The following CUX2 variants were observed in gnomAD, a reference collection of about 807,000 sequenced individuals.
The protein encoded by CUX2 is homeobox protein cut-like 2.
In CUX2, 40 loss-of-function variants were observed where a neutral mutation model predicts 144.8. The ratio of observed to expected loss-of-function variants is 0.28; its 90% CI spans 0.21 to 0.36. The LOEUF is 0.36. Among genes scored for constraint, CUX2 ranks in the 10% least tolerant of loss-of-function variants. The pLI is 1.00. For synonymous variants in CUX2, 827 were observed against 875.6 expected, an observed-to-expected ratio of 0.94 and a Z score of 0.98; for missense variants, 1,615 against 1,994.0, an observed-to-expected ratio of 0.81 and a Z score of 3.62.
chr12:111,341,916 G>A lies in CUX2; in HGVS notation c.3522G>A (p.Val1174=), dbSNP rs1191020601. The A allele has an allele frequency of 3.1e-6, 5 of 1,614,032 alleles. No individual in the cohort carries two copies. Among genetic ancestry groups the A allele is most frequent in the Non-Finnish European group, 3.4e-6 (4 of 1,180,040 alleles). ...TGCAGATCAAGAAGCCCCGGGTGGT[G>A]CTGGCACCCGAGGAGAAGGAGGCAC... ...SLLQIKKPRV[V]LAPEEKEALR... is the part of the protein sequence containing the mutation. The change falls in exon 21 of 22, where the codon GTG becomes GTA. Residue 1174 remains valine (V), a synonymous_variant. Transcript: ENST00000261726.
rs1184924522 is a variant in CUX2 at position 111,121,413 on chromosome 12, A to G, written c.63+87173A>G. ...TTTTTTTGAGACGGATTCTTGCTCT[A>G]TCGCCCAAGCTGGAGGGCTATGGCG... is the stretch of plus-strand genomic sequence containing the variant. On this transcript the variant is annotated intron_variant, in intron 1 of 21. Coordinates refer to ENST00000261726, the MANE Select transcript of CUX2 (RefSeq NM_015267.4). 3.7e-5 allele frequency among the ~76,000 whole-genome samples: 3 copies of G among 80,814 alleles called. No homozygotes were observed. In the Admixed American group the frequency reaches 6.3e-4, roughly 17 times the overall value. 53.0% of individuals were successfully genotyped at this position (80,814 alleles called of 152,430 possible).
Position 111,218,044 on chromosome 12 carries a change from G to A in CUX2, c.222+107G>A, listed in dbSNP as rs61073405. ...GCCAGCAGCCTCCAGAAGCTTTGGA[G>A]AAGCTTCCCTGTCCCCATTGCAAAC... is the stretch of plus-strand genomic sequence containing the variant. On this transcript the variant is annotated intron_variant, in intron 3 of 21. Coordinates refer to ENST00000261726, the MANE Select transcript of CUX2 (RefSeq NM_015267.4). 6,586 of 1,160,010 alleles carry A rather than the reference G, an allele frequency of 5.7e-3. 245 individuals carry two copies. The African/African-American group carries it at 0.084, about 15-fold the overall frequency. The allele number at this position is 1,160,010 out of a possible 1,614,324, so 71.9% of individuals were successfully genotyped here.
chr12:111,285,917 T>C (rs1885356983), intron 4 of CUX2, among the ~76,000 whole-genome samples: 1 of 152,238 alleles, frequency 6.6e-6, no homozygotes, highest in South Asian at 2.1e-4. Flanking sequence ...CATCTCAGCC[T>C]GCCACCAACT....
intron 1 of CUX2, among the ~76,000 whole-genome samples, chr12:111,102,976 T>A (rs1873349499): frequency 1.3e-5 from 2 of 152,216 alleles, no homozygotes; most frequent in African/African-American, 4.8e-5. Context: ...TGCCTTGATG[T>A]TTACAGAAAG....
At chr12:111,267,530 C>T (rs541518298) in intron 4 of CUX2, among the ~76,000 whole-genome samples, 6 of 152,168 alleles carry the variant, frequency 3.9e-5, no homozygotes, top group Non-Finnish European at 8.8e-5. Flanking sequence ...GACTCTGCTC[C>T]GTGTGACAAG....
At chr12:111,138,471 C>T (rs1876075932) in intron 1 of CUX2, among the ~76,000 whole-genome samples, 1 of 152,088 alleles carries the variant, frequency 6.6e-6, no homozygotes, top group Non-Finnish European at 1.5e-5. Flanking sequence ...TGGTAAGTGG[C>T]AGGAAATGCT....
At position 111,263,200 on chromosome 12, in the gene CUX2, C is replaced by T. The variant is rs1449037550; in HGVS notation, c.223-561C>T. On this transcript the variant is annotated intron_variant, in intron 3 of 21. Transcript: ENST00000261726. The surrounding 1 kb of genome is among the most constrained non-coding windows in gnomAD (Gnocchi z 4.0). ...AGTAGAAAATGACTAAGGCCAGGTG[C>T]GGTGGTGGCCTGTAATCCCGGCACT... is the stretch of plus-strand genomic sequence containing the variant. Among the ~76,000 whole-genome samples, 5 of 152,084 alleles carry T rather than the reference C, an allele frequency of 3.3e-5. No individual in the cohort carries two copies. The highest frequency in any genetic ancestry group is 7.2e-5 in the African/African-American group (3 of 41,422).
intron 4 of CUX2, among the ~76,000 whole-genome samples, chr12:111,265,795 C>A (rs767961691): frequency 5.9e-5 from 9 of 152,154 alleles, no homozygotes; most frequent in Non-Finnish European, 1.3e-4. Flanking sequence ...CAGACCTCTC[C>A]CAGTCCTTTC....
intron 1 of CUX2, among the ~76,000 whole-genome samples, chr12:111,107,377 ATTC>A (rs1201712305): frequency 6.6e-6 from 1 of 152,246 alleles, no homozygotes; most frequent in Non-Finnish European, 1.5e-5. Context: ...GGGTGCATCC[ATTC>A]TTCTTCAGGA....
chr12:111,164,529 T>C (rs1479521903), intron 1 of CUX2, among the ~76,000 whole-genome samples: 1 of 151,466 alleles, frequency 6.6e-6, no homozygotes, highest in Non-Finnish European at 1.5e-5. Flanking sequence ...TGAGCAGAGA[T>C]TGTGCTATTG....
intron 1 of CUX2, among the ~76,000 whole-genome samples, chr12:111,143,265 C>G (rs1876451443): frequency 6.6e-6 from 1 of 152,204 alleles, no homozygotes; most frequent in Non-Finnish European, 1.5e-5. Context: ...GCAAAAAACG[C>G]CCTTCTCCCA....
At chr12:111,251,886 C>T (rs1883579246) in intron 3 of CUX2, among the ~76,000 whole-genome samples, 3 of 152,066 alleles carry the variant, frequency 2.0e-5, no homozygotes, top group Admixed American at 2.0e-4. Context: ...GTCTCTCTAT[C>T]TGTCTGTATG....
chr12:111,162,415 C>T (rs1254803496), intron 1 of CUX2, among the ~76,000 whole-genome samples: 1 of 152,230 alleles, frequency 6.6e-6, no homozygotes, highest in African/African-American at 2.4e-5. Context: ...GTGCATGGAG[C>T]CCTGGTGGGT....
intron 1 of CUX2, among the ~76,000 whole-genome samples, chr12:111,191,594 G>A (rs577662233): frequency 5.9e-5 from 9 of 152,266 alleles, no homozygotes; most frequent in African/African-American, 9.6e-5. Flanking sequence ...CCAAAGTGTC[G>A]GGATTACAGG....
chr12:111,142,580 AT>A (rs1163676188), intron 1 of CUX2, among the ~76,000 whole-genome samples: 1 of 150,226 alleles, frequency 6.7e-6, no homozygotes. Flanking sequence ...CACTTTGGAG[AT>A]TGTCTCCATT....
At position 111,341,936 on chromosome 12, in the gene CUX2, A is replaced by G; in HGVS notation, c.3542A>G (p.Glu1181Gly). 1 of 1,614,110 alleles carries G rather than the reference A, an allele frequency of 6.2e-7. No homozygotes were observed. The highest frequency in any genetic ancestry group is 8.5e-7 in the Non-Finnish European group (1 of 1,180,010). ...GTGGTGCTGGCACCCGAGGAGAAGG[A>G]GGCACTGCGGAAGGCCTATCAGCTG... is the stretch of plus-strand genomic sequence containing the variant. ...PRVVLAPEEKEALRKAYQLEP... is the reference protein window; with the variant it reads ...PRVVLAPEEKGALRKAYQLEP... The change falls in exon 21 of 22, where the codon GAG becomes GGG. Residue 1181 changes from glutamate (E) to glycine (G), a missense_variant. By Grantham distance (98) the Glu-to-Gly change is moderately conservative. Coordinates refer to ENST00000261726, the MANE Select transcript of CUX2 (RefSeq NM_015267.4).
intron 1 of CUX2, among the ~76,000 whole-genome samples, chr12:111,076,209 G>T (rs1871528939): frequency 6.6e-6 from 1 of 152,134 alleles, no homozygotes; most frequent in Admixed American, 6.5e-5. Context: ...CCTCAGGCTG[G>T]GATGTGCAGT....
At chr12:111,126,391 C>CAG (rs1555271593) in intron 1 of CUX2, among the ~76,000 whole-genome samples, 1 of 152,118 alleles carries the variant, frequency 6.6e-6, no homozygotes, top group Non-Finnish European at 1.5e-5. Flanking sequence ...GGATTACAGG[C>CAG]AGAAGTCCCA....
At chr12:111,099,470 G>A (rs1261626533) in intron 1 of CUX2, 12 of 448,174 alleles carry the variant, frequency 2.7e-5, no homozygotes, top group South Asian at 9.4e-5. Flanking sequence ...TTGGGTCACT[G>A]CTGGGAGGTA....
Sources: gnomAD v4.1 joint callset for allele counts (sites outside exome capture counted in the v4.1 genomes callset) on GRCh38, gnomAD v4.1.1 for gene constraint, Gnocchi (gnomAD v3.1) non-coding constraint, MANE v1.5 for transcripts, NCBI Gene and HGNC (gene_info 2026-07-23, HGNC 2026-07-21) for gene names.